The following TSHZ2 variants were observed in gnomAD, a reference collection of about 807,000 sequenced individuals.
TSHZ2 encodes teashirt zinc finger homeobox 2.
In TSHZ2, 21 loss-of-function variants were observed where a neutral mutation model predicts 74.4. The observed-to-expected ratio is 0.28, with a 90% CI of 0.20 to 0.41. The LOEUF (loss-of-function observed/expected upper bound fraction) is 0.41, where lower values mean the gene tolerates loss of function less well. TSHZ2 is among the 10% of genes least tolerant of loss of function. TSHZ2 has a pLI of 1.00. For missense variants in TSHZ2, 1,244 were observed against 1,293.5 expected, an observed-to-expected ratio of 0.96 and a Z score of 0.59; for synonymous variants, 540 against 515.3, an observed-to-expected ratio of 1.05 and a Z score of -0.65.
At chr20:53,365,787 T>G (rs1370626976) in intron 2 of TSHZ2, among the ~76,000 whole-genome samples, 2 of 152,180 alleles carry the variant, frequency 1.3e-5, no homozygotes. Context: ...TCTGGAAAAG[T>G]CTCTCCAGCT....
At chr20:53,060,752 T>C (rs1984794831) in intron 1 of TSHZ2, among the ~76,000 whole-genome samples, 1 of 152,146 alleles carries the variant, frequency 6.6e-6, no homozygotes, top group African/African-American at 2.4e-5. Flanking sequence ...TGAGTAAAAA[T>C]ATTAAAATAT....
At chr20:53,342,386 A>G (rs983015461) in intron 2 of TSHZ2, among the ~76,000 whole-genome samples, 2 of 149,698 alleles carry the variant, frequency 1.3e-5, no homozygotes, top group African/African-American at 4.9e-5. Context: ...TAATCCTCAT[A>G]TAAACCTTAA....
At chr20:53,044,990 C>T (rs994688579) in intron 1 of TSHZ2, among the ~76,000 whole-genome samples, 1 of 152,178 alleles carries the variant, frequency 6.6e-6, no homozygotes, top group Non-Finnish European at 1.5e-5. Context: ...CAAGCCACTG[C>T]ACCCAGCCCT....
chr20:53,455,056 T>G (rs779585164), intron 2 of TSHZ2, among the ~76,000 whole-genome samples: 1 of 152,164 alleles, frequency 6.6e-6, no homozygotes. Context: ...GTTGGAGAGA[T>G]AGATGAGATT....
chr20:53,203,621 C>T (rs945250394), intron 1 of TSHZ2, among the ~76,000 whole-genome samples: 1 of 152,096 alleles, frequency 6.6e-6, no homozygotes, highest in African/African-American at 2.4e-5. Context: ...TCCACACTGC[C>T]TCCCCTAGGA....
intron 2 of TSHZ2, among the ~76,000 whole-genome samples, chr20:53,265,201 C>T (rs1600776970): frequency 6.6e-6 from 1 of 152,134 alleles, no homozygotes; most frequent in East Asian, 1.9e-4. Flanking sequence ...ACCCAGGCCA[C>T]ACAGCTAACA....
Position 53,427,088 on chromosome 20 carries a change from G to A in TSHZ2, c.*9-60056G>A, listed in dbSNP as rs773675518. Among the ~76,000 whole-genome samples the A allele has an allele frequency of 7.2e-5, 11 of 152,148 alleles. No individual in the cohort carries two copies. The South Asian group carries it at 1.0e-3, about 14-fold the overall frequency. On this transcript the variant is annotated intron_variant, in intron 2 of 2. Transcript: ENST00000371497. ...CATGGGCTGGAGCGCCGTGAAGCTCGCCTGCCTTGTCATTGCAGATAGGTC... is the reference window on the plus strand; with the variant it reads ...CATGGGCTGGAGCGCCGTGAAGCTCACCTGCCTTGTCATTGCAGATAGGTC...
intron 1 of TSHZ2, among the ~76,000 whole-genome samples, chr20:53,055,046 C>T (rs1984593853): frequency 6.6e-6 from 1 of 152,144 alleles, no homozygotes; most frequent in East Asian, 1.9e-4. Context: ...ACTAACCGAA[C>T]AACACTAATC....
chr20:53,149,385 GC>G (rs1420404917), intron 1 of TSHZ2, among the ~76,000 whole-genome samples: 2 of 152,072 alleles, frequency 1.3e-5, no homozygotes, highest in Non-Finnish European at 2.9e-5. Flanking sequence ...TCCAAAGAAA[GC>G]TGTGTGTAAT....
chr20:53,384,229 T>C (rs1981964090), intron 2 of TSHZ2, among the ~76,000 whole-genome samples: 1 of 152,078 alleles, frequency 6.6e-6, no homozygotes, highest in Non-Finnish European at 1.5e-5. Context: ...CGTGAGCCAG[T>C]TCTTGCTTAC....
chr20:53,391,242 G>T (rs1173665052), intron 2 of TSHZ2, among the ~76,000 whole-genome samples: 1 of 152,134 alleles, frequency 6.6e-6, no homozygotes, highest in South Asian at 2.1e-4. Context: ...CGCCTCCTGG[G>T]TTCACACCAT....
At chr20:53,008,105 A>G (rs1429285036) in intron 1 of TSHZ2, among the ~76,000 whole-genome samples, 1 of 152,174 alleles carries the variant, frequency 6.6e-6, no homozygotes, top group African/African-American at 2.4e-5. Flanking sequence ...ATTAACCTTG[A>G]TATTAGAATT....
chr20:53,212,914 G>T (rs1051700362), intron 1 of TSHZ2, among the ~76,000 whole-genome samples: 2 of 152,280 alleles, frequency 1.3e-5, no homozygotes, highest in Admixed American at 6.5e-5. Context: ...TTTGGGGCTT[G>T]CGTGGCATGC....
At chr20:53,291,023 A>G (rs1991267571) in intron 2 of TSHZ2, among the ~76,000 whole-genome samples, 1 of 152,160 alleles carries the variant, frequency 6.6e-6, no homozygotes, top group South Asian at 2.1e-4. Context: ...AAATTTGCCG[A>G]CCCATGGCCT....
intron 2 of TSHZ2, among the ~76,000 whole-genome samples, chr20:53,438,861 G>C (rs1984201283): frequency 6.6e-6 from 1 of 152,192 alleles, no homozygotes; most frequent in South Asian, 2.1e-4. Flanking sequence ...TAGGGAGACT[G>C]AGGCTGCGGA....
At chr20:53,166,184 A>G (rs985478335) in intron 1 of TSHZ2, among the ~76,000 whole-genome samples, 6 of 152,206 alleles carry the variant, frequency 3.9e-5, no homozygotes, top group Non-Finnish European at 8.8e-5. Flanking sequence ...TTGTTATTAA[A>G]AGATTTCTCA....
At chr20:53,093,564 A>T (rs144862664) in intron 1 of TSHZ2, among the ~76,000 whole-genome samples, 255 of 152,240 alleles carry the variant, frequency 1.7e-3, no homozygotes, top group African/African-American at 5.8e-3. Context: ...TTTACATGCC[A>T]CTTTCTTTTC....
chr20:52,987,934 C>A (rs12481255), intron 1 of TSHZ2, among the ~76,000 whole-genome samples: 1 of 152,032 alleles, frequency 6.6e-6, no homozygotes, highest in Non-Finnish European at 1.5e-5. Flanking sequence ...GGCAGAAAAC[C>A]TGGGTTGTAT....
intron 2 of TSHZ2, among the ~76,000 whole-genome samples, chr20:53,355,814 AAAG>A (rs1980824760): frequency 6.6e-6 from 1 of 152,254 alleles, no homozygotes; most frequent in East Asian, 1.9e-4. Flanking sequence ...GAATAAGCAC[AAAG>A]AAGAAAGGAT....
Sources: gnomAD v4.1 joint callset for allele counts (sites outside exome capture counted in the v4.1 genomes callset) on GRCh38, gnomAD v4.1.1 for gene constraint, MANE v1.5 for transcripts, NCBI Gene and HGNC (gene_info 2026-07-23, HGNC 2026-07-21) for gene names.